The following MYO5A variants were observed in gnomAD, a reference collection of about 807,000 sequenced individuals.
MYO5A encodes the protein unconventional myosin-Va.
Under a neutral mutation model 249.7 loss-of-function variants are expected in MYO5A, and 98 were observed. The ratio of observed to expected loss-of-function variants is 0.39; its 90% CI spans 0.33 to 0.46. The LOEUF (loss-of-function observed/expected upper bound fraction) is 0.46. Ranked by LOEUF, MYO5A falls within the 20% of genes least tolerant of loss-of-function variation. The pLI, the probability that MYO5A is intolerant of heterozygous loss-of-function variation, is 0.98. For synonymous variants in MYO5A, 778 were observed against 810.6 expected, an observed-to-expected ratio of 0.96 and a Z score of 0.68; for missense variants, 1,696 against 2,308.8, an observed-to-expected ratio of 0.73 and a Z score of 5.44.
intron 1 of MYO5A, among the ~76,000 whole-genome samples, chr15:52,468,360 T>G (rs1595738703): frequency 6.6e-6 from 1 of 151,896 alleles, no homozygotes; most frequent in East Asian, 1.9e-4. Context: ...AAATGCAAAT[T>G]TAAAATACAG....
At position 52,313,203 on chromosome 15, in the gene MYO5A, G is replaced by A. The variant is rs1447754475; in HGVS notation, c.*493C>T. On this transcript the variant is annotated 3_prime_UTR_variant, in exon 42 of 42. Transcript: ENST00000399233. ...ATTGCCAGTTTATTTCTTTGAACCA[G>A]TTTAACAATATCAACATAATTGATT... 6.1e-6 allele frequency: 1 copy of A among 164,996 alleles called. No homozygotes were observed. Among genetic ancestry groups the A allele is most frequent in the East Asian group, 1.7e-4 (1 of 5,960 alleles). The allele number at this position is 164,996 out of a possible 1,614,324, so 10.2% of individuals were successfully genotyped here. A position where few individuals can be genotyped will look rare whatever the true frequency, so the allele number is the denominator to read the frequency against.
At chr15:52,376,306 T>C (rs1317543043) in intron 19 of MYO5A, 41 bp downstream of exon 19, 5 of 1,588,998 alleles carry the variant, frequency 3.1e-6, no homozygotes, top group African/African-American at 2.7e-5. Flanking sequence ...GGTTGGACAG[T>C]GAATTAGATG....
intron 4 of MYO5A, among the ~76,000 whole-genome samples, chr15:52,419,774 G>C (rs1429283736): frequency 6.6e-6 from 1 of 152,154 alleles, no homozygotes; most frequent in Non-Finnish European, 1.5e-5. Context: ...TCAGTACAGA[G>C]CCTATGCATT....
At chr15:52,442,967 G>T (rs780321617) in intron 1 of MYO5A, among the ~76,000 whole-genome samples, 1 of 152,082 alleles carries the variant, frequency 6.6e-6, no homozygotes, top group African/African-American at 2.4e-5. Flanking sequence ...TAGCCAGGAC[G>T]GTCTCGATCT....
At chr15:52,445,613 G>A (rs1324821726) in intron 1 of MYO5A, among the ~76,000 whole-genome samples, 2 of 152,168 alleles carry the variant, frequency 1.3e-5, no homozygotes, top group South Asian at 2.1e-4. Context: ...AAGAAAGTTT[G>A]GAATTCTTAG....
At chr15:52,519,997 G>A (rs1408393605) in intron 1 of MYO5A, among the ~76,000 whole-genome samples, 1 of 152,068 alleles carries the variant, frequency 6.6e-6, no homozygotes, top group Non-Finnish European at 1.5e-5. Flanking sequence ...CCAAAGTGCT[G>A]AGGATTACAG....
intron 1 of MYO5A, among the ~76,000 whole-genome samples, chr15:52,495,198 C>T (rs1171220764): frequency 2.0e-5 from 3 of 152,084 alleles, no homozygotes; most frequent in Non-Finnish European, 2.9e-5. Context: ...TATACATATA[C>T]ACAATAGAAT....
chr15:52,447,352 A>G (rs2075914614), intron 1 of MYO5A, among the ~76,000 whole-genome samples: 1 of 152,040 alleles, frequency 6.6e-6, no homozygotes, highest in Non-Finnish European at 1.5e-5. Context: ...TTCCACCATG[A>G]GTGGAAGCTT....
chr15:52,363,169 A>G (rs3794565), intron 24 of MYO5A, among the ~76,000 whole-genome samples: 29,688 of 152,210 alleles, frequency 0.2, 3,737 homozygotes, highest in East Asian at 0.57. Flanking sequence ...TCTAATAAAT[A>G]GAGTGAACAA....
intron 1 of MYO5A, among the ~76,000 whole-genome samples, chr15:52,474,893 T>C (rs1252506277): frequency 6.6e-6 from 1 of 152,228 alleles, no homozygotes; most frequent in Non-Finnish European, 1.5e-5. Context: ...AGGATGATGC[T>C]GGCCTCATAA....
At chr15:52,427,474 TGGCTA>T (rs2075422181) in intron 3 of MYO5A, among the ~76,000 whole-genome samples, 1 of 151,826 alleles carries the variant, frequency 6.6e-6, no homozygotes, top group Admixed American at 6.6e-5. Context: ...CTTGATAGGG[TGGCTA>T]GACAAGACTT....
chr15:52,515,082 A>G (rs982393574), intron 1 of MYO5A, among the ~76,000 whole-genome samples: 32 of 152,172 alleles, frequency 2.1e-4, no homozygotes, highest in Admixed American at 6.5e-4. Context: ...GTTCAAGACC[A>G]GCCTGGACAA....
chr15:52,340,437 G>A (rs376630360), intron 31 of MYO5A, 43 bp from the exon 32 acceptor site: 16 of 1,575,118 alleles, frequency 1.0e-5, no homozygotes, highest in Admixed American at 3.3e-5. Flanking sequence ...ACGACACCCC[G>A]AGTTGCTGCC....
intron 7 of MYO5A, among the ~76,000 whole-genome samples, chr15:52,407,728 A>G (rs1356055763): frequency 6.6e-6 from 1 of 152,076 alleles, no homozygotes; most frequent in Admixed American, 6.6e-5. Context: ...CTTCTAACAA[A>G]TCAACTCCTT....
intron 20 of MYO5A, 74 bp from the exon 21 acceptor site, chr15:52,372,437 G>A: frequency 6.4e-7 from 1 of 1,572,332 alleles, no homozygotes; most frequent in Non-Finnish European, 8.6e-7. Context: ...ATGTCGGGCT[G>A]AAAATCCACA....
At chr15:52,463,878 C>T (rs377220701) in intron 1 of MYO5A, among the ~76,000 whole-genome samples, 3 of 152,214 alleles carry the variant, frequency 2.0e-5, no homozygotes, top group African/African-American at 4.8e-5. Flanking sequence ...CAGTGCCTCA[C>T]ATCCTCTTAA....
At chr15:52,378,987 A>T (rs1165660354) in intron 18 of MYO5A, among the ~76,000 whole-genome samples, 1 of 152,148 alleles carries the variant, frequency 6.6e-6, no homozygotes, top group Non-Finnish European at 1.5e-5. Flanking sequence ...TACATTTCCT[A>T]ACCATTTCTC....
At chr15:52,430,237 C>T (rs149784409) in intron 2 of MYO5A, among the ~76,000 whole-genome samples, 70 of 152,270 alleles carry the variant, frequency 4.6e-4, no homozygotes, top group African/African-American at 1.5e-3. Context: ...CCTGTAAATA[C>T]ACAATTGTCT....
At chr15:52,376,668 A>C in intron 18 of MYO5A, 110 bp from the exon 19 acceptor site, 1 of 1,031,708 alleles carries the variant, frequency 9.7e-7, no homozygotes. Context: ...ATTAGCTAAA[A>C]CTTGGGCTAC....
Sources: allele counts gnomAD v4.1 joint callset (sites outside exome capture counted in the v4.1 genomes callset), GRCh38; gene constraint gnomAD v4.1.1; transcripts MANE v1.5; gene names NCBI Gene and HGNC (gene_info 2026-07-23, HGNC 2026-07-21).